CAMK2D: variants seen among roughly 807,000 people sequenced by gnomAD.
CAMK2D encodes the protein calcium/calmodulin dependent protein kinase II delta.
Under a neutral mutation model 84.0 loss-of-function variants are expected in CAMK2D, and 37 were observed. The observed-to-expected ratio is 0.44, with a 90% CI of 0.34 to 0.58. The LOEUF is 0.58. Among genes scored for constraint, CAMK2D ranks in the 20% least tolerant of loss-of-function variants. CAMK2D has a pLI of 0.02. For synonymous variants in CAMK2D, 202 were observed against 212.5 expected (o/e 0.95, Z 0.43); for missense variants, 448 against 652.5 (o/e 0.69, Z 3.41).
intron 3 of CAMK2D, among the ~76,000 whole-genome samples, chr4:113,646,809 G>A (rs750116415): frequency 5.3e-5 from 8 of 152,190 alleles, no homozygotes; most frequent in Non-Finnish European, 1.0e-4. Context: ...ATTAGTTTCC[G>A]AGGAGAGGAA....
At chr4:113,493,808 A>C (rs1393098485) in intron 16 of CAMK2D, among the ~76,000 whole-genome samples, 2 of 151,428 alleles carry the variant, frequency 1.3e-5, no homozygotes, top group Non-Finnish European at 1.5e-5. Context: ...GTCTTTTCAC[A>C]TAGTCCCATA....
intron 16 of CAMK2D, among the ~76,000 whole-genome samples, chr4:113,466,016 C>T (rs2154112730): frequency 6.6e-6 from 1 of 152,160 alleles, no homozygotes; most frequent in Non-Finnish European, 1.5e-5. Context: ...CTTTGGGAGG[C>T]CGAGGTGGGC....
chr4:113,586,772 A>G (rs2098836184), intron 4 of CAMK2D, among the ~76,000 whole-genome samples: 1 of 152,164 alleles, frequency 6.6e-6, no homozygotes, highest in African/African-American at 2.4e-5. Context: ...CCAGAAGCTT[A>G]CAGAAAAGCC....
intron 16 of CAMK2D, among the ~76,000 whole-genome samples, chr4:113,492,549 G>A (rs1236812515): frequency 6.6e-6 from 1 of 152,026 alleles, no homozygotes; most frequent in Non-Finnish European, 1.5e-5. Context: ...GCTGAGGAGA[G>A]CTTCACTTCC....
intron 13 of CAMK2D, chr4:113,508,298 A>AG (rs2098159930): frequency 1.3e-6 from 2 of 1,499,518 alleles, no homozygotes; most frequent in East Asian, 2.5e-5. Flanking sequence ...AGAAAGGAAA[A>AG]GAAAAAAAAA....
intron 4 of CAMK2D, among the ~76,000 whole-genome samples, chr4:113,590,045 T>C (rs1311883542): frequency 6.6e-6 from 1 of 152,178 alleles, no homozygotes; most frequent in Admixed American, 6.5e-5. Flanking sequence ...ACTTAAAATA[T>C]CTTGAAGAGA....
chr4:113,594,086 A>G (rs78242905), intron 4 of CAMK2D, among the ~76,000 whole-genome samples: 6,080 of 152,270 alleles, frequency 0.04, 358 homozygotes, highest in East Asian at 0.19. Context: ...CATGGCAGAA[A>G]GCAAAGCAGC....
chr4:113,463,771 C>T (rs2097422200), intron 17 of CAMK2D, among the ~76,000 whole-genome samples: 1 of 152,024 alleles, frequency 6.6e-6, no homozygotes, highest in South Asian at 2.1e-4. Context: ...AATATTTTTC[C>T]AGGTCGCTAG....
At chr4:113,656,077 T>G (rs2099198830) in intron 3 of CAMK2D, among the ~76,000 whole-genome samples, 1 of 152,176 alleles carries the variant, frequency 6.6e-6, no homozygotes, top group African/African-American at 2.4e-5. Flanking sequence ...TTACAACAAA[T>G]TTGTTAATTC....
At chr4:113,556,948 T>A (rs968372699) in intron 4 of CAMK2D, among the ~76,000 whole-genome samples, 1 of 152,142 alleles carries the variant, frequency 6.6e-6, no homozygotes, top group Non-Finnish European at 1.5e-5. Flanking sequence ...AATAATTAAA[T>A]GGGGGAATGA....
At chr4:113,577,739 T>C (rs185604905) in intron 4 of CAMK2D, among the ~76,000 whole-genome samples, 1 of 142,430 alleles carries the variant, frequency 7.0e-6, no homozygotes, top group Non-Finnish European at 1.5e-5. Flanking sequence ...TTTTTTCCTT[T>C]GGGCTCTTCG....
At chr4:113,666,186 T>C (rs1047462981) in intron 2 of CAMK2D, among the ~76,000 whole-genome samples, 4 of 152,152 alleles carry the variant, frequency 2.6e-5, no homozygotes, top group African/African-American at 9.7e-5. Flanking sequence ...TAAAGCTACA[T>C]AAAGCAACAA....
intron 16 of CAMK2D, among the ~76,000 whole-genome samples, chr4:113,496,686 G>A (rs113362111): frequency 0.021 from 3,189 of 151,576 alleles, 47 homozygotes; most frequent in Non-Finnish European, 0.033. Flanking sequence ...TGACCTCAAG[G>A]GATCTGCCTG....
chr4:113,597,677 A>C (rs2098933482), intron 4 of CAMK2D, among the ~76,000 whole-genome samples: 1 of 152,220 alleles, frequency 6.6e-6, no homozygotes, highest in African/African-American at 2.4e-5. Context: ...AATTTCCTTC[A>C]AGAACTTTTC....
At chr4:113,712,828 A>C (rs961435943) in intron 2 of CAMK2D, among the ~76,000 whole-genome samples, 1 of 152,084 alleles carries the variant, frequency 6.6e-6, no homozygotes. Flanking sequence ...TCAAGCCTCC[A>C]TCTTTTTCCT....
At chr4:113,653,942 C>CA (rs2099187390) in intron 3 of CAMK2D, among the ~76,000 whole-genome samples, 1 of 151,954 alleles carries the variant, frequency 6.6e-6, no homozygotes, top group African/African-American at 2.4e-5. Context: ...CAAAAAATGA[C>CA]AGTTAATTTA....
chr4:113,675,708 CAGAG>C (rs1045523895), intron 2 of CAMK2D, among the ~76,000 whole-genome samples: 1 of 151,786 alleles, frequency 6.6e-6, no homozygotes, highest in African/African-American at 2.4e-5. Context: ...TAATTGTAGT[CAGAG>C]AGGTAAAATT....
chr4:113,629,900 A>C (rs2099082751), intron 3 of CAMK2D, among the ~76,000 whole-genome samples: 1 of 151,734 alleles, frequency 6.6e-6, no homozygotes, highest in African/African-American at 2.4e-5. Flanking sequence ...ATGATGTATA[A>C]TTCACAATGT....
chr4:113,618,207 C>G (rs959035726), intron 3 of CAMK2D, among the ~76,000 whole-genome samples: 1 of 152,238 alleles, frequency 6.6e-6, no homozygotes, highest in African/African-American at 2.4e-5. Flanking sequence ...TCAACACTCT[C>G]GAGTTAAAGT....
Sources: allele counts gnomAD v4.1 joint callset (sites outside exome capture counted in the v4.1 genomes callset), GRCh38; gene constraint gnomAD v4.1.1; transcripts MANE v1.5; gene names NCBI Gene and HGNC (gene_info 2026-07-23, HGNC 2026-07-21).